The following UBE2G2 variants were observed in gnomAD, a reference collection of about 807,000 sequenced individuals.
UBE2G2 encodes the protein ubiquitin-conjugating enzyme E2 G2.
Under a neutral mutation model 23.0 loss-of-function variants are expected in UBE2G2, and 10 were observed. The ratio of observed to expected loss-of-function variants is 0.43; its 90% CI spans 0.27 to 0.74. UBE2G2 has a LOEUF of 0.74. Ranked by LOEUF, UBE2G2 falls within the 30% of genes least tolerant of loss-of-function variation. The pLI, the probability that UBE2G2 is intolerant of heterozygous loss-of-function variation, is 0.19. For synonymous variants in UBE2G2, 86 were observed against 81.3 expected (o/e 1.06, Z -0.31); for missense variants, 150 against 218.3 (o/e 0.69, Z 1.97).
At chr21:44,797,657 G>A (rs1446388043) in intron 1 of UBE2G2, among the ~76,000 whole-genome samples, 1 of 128,686 alleles carries the variant, frequency 7.8e-6, no homozygotes. Flanking sequence ...GGAGCCTGCA[G>A]TGAGTCAAGA....
intron 1 of UBE2G2, chr21:44,801,230 G>A: frequency 1.3e-6 from 1 of 767,652 alleles, no homozygotes; most frequent in Non-Finnish European, 1.6e-6. Flanking sequence ...GGAGTGACAG[G>A]TGGCACTGTT....
intron 3 of UBE2G2, among the ~76,000 whole-genome samples, chr21:44,785,340 T>C (rs1295785399): frequency 6.6e-6 from 1 of 152,216 alleles, no homozygotes; most frequent in Non-Finnish European, 1.5e-5. Flanking sequence ...GCCTGCGGAC[T>C]CTCATTATTT....
chr21:44,791,293 C>T (rs2083041989), intron 1 of UBE2G2, among the ~76,000 whole-genome samples: 1 of 152,128 alleles, frequency 6.6e-6, no homozygotes, highest in Non-Finnish European at 1.5e-5. Context: ...GTAAATGTCT[C>T]CAGAGCATGT....
chr21:44,778,547 G>A (rs1386899111), intron 3 of UBE2G2, among the ~76,000 whole-genome samples: 6 of 151,186 alleles, frequency 4.0e-5, no homozygotes, highest in African/African-American at 1.5e-4. Flanking sequence ...GGCCACAGGA[G>A]AGGAAGAGTG....
At position 44,777,377 on chromosome 21, in the gene UBE2G2, C is replaced by T; in HGVS notation, c.166G>A (p.Ala56Thr). The T allele has an allele frequency of 6.2e-7, 1 of 1,614,038 alleles. No individual in the cohort carries two copies. The highest frequency in any genetic ancestry group is 8.5e-7 in the Non-Finnish European group (1 of 1,180,000). Residue 56 changes from alanine (A) to threonine (T), a missense_variant, in exon 4 of 6, where the codon GCC becomes ACC. By Grantham distance (58) the Ala-to-Thr change is moderately conservative (BLOSUM62 0). Transcript: ENST00000345496. Reference sequence around the variant, plus strand: ...TAATCAAGTGGGAAACTCAGGATGGCAGGAAAAACACCAAACTCAAAGCAG... The same window carrying T: ...TAATCAAGTGGGAAACTCAGGATGGTAGGAAAAACACCAAACTCAAAGCAG... ...DTCFEFGVFP[A>T]ILSFPLDYPL...
At chr21:44,794,746 G>A (rs566729267) in intron 1 of UBE2G2, among the ~76,000 whole-genome samples, 3 of 152,138 alleles carry the variant, frequency 2.0e-5, no homozygotes, top group East Asian at 3.9e-4. Context: ...GTGTTAGCCC[G>A]GATGGTCTCC....
intron 1 of UBE2G2, among the ~76,000 whole-genome samples, chr21:44,788,364 A>G (rs2083016495): frequency 6.9e-6 from 1 of 144,982 alleles, no homozygotes; most frequent in African/African-American, 2.6e-5. Context: ...ATCTCAGCTC[A>G]CTGCAAGCTC....
At chr21:44,779,168 G>A (rs782580531) in intron 3 of UBE2G2, 15 of 421,346 alleles carry the variant, frequency 3.6e-5, no homozygotes, top group East Asian at 2.4e-4. Context: ...CAGGGCTGTC[G>A]GCAGCAACAG....
Position 44,788,133 on chromosome 21 carries a change from T to A in UBE2G2, c.44-38A>T, listed in dbSNP as rs201527198. 8 of 1,550,532 alleles carry A rather than the reference T, an allele frequency of 5.2e-6. No individual in the cohort carries two copies. In the East Asian group the frequency reaches 1.8e-4, roughly 35 times the overall value. On this transcript the variant is annotated intron_variant, in intron 1 of 5. Coordinates refer to ENST00000345496, the MANE Select transcript of UBE2G2 (RefSeq NM_003343.6). Reference sequence around the variant, plus strand: ...TAAGTAAAACCATTACCAAACAGAATAAATGTTACATTGTCATTTTAACAA... The same window carrying A: ...TAAGTAAAACCATTACCAAACAGAAAAAATGTTACATTGTCATTTTAACAA...
At position 44,771,813 on chromosome 21, in the gene UBE2G2, C is replaced by T. The variant is rs1481695136; in HGVS notation, c.386-324G>A. On this transcript the variant is annotated intron_variant, in intron 5 of 5. Coordinates refer to ENST00000345496, the MANE Select transcript of UBE2G2 (RefSeq NM_003343.6). The surrounding 1 kb of genome is among the most constrained non-coding windows in gnomAD (Gnocchi z 4.6). ...CACAGCAGCCTCCTGGGCCACTGCA[C>T]TTCTGGCACCCGGACAAGCTACACG... is the stretch of plus-strand genomic sequence containing the variant. Among the ~76,000 whole-genome samples, 1 of 152,194 alleles carries T rather than the reference C, an allele frequency of 6.6e-6. No homozygotes were observed. Among genetic ancestry groups the T allele is most frequent in the Non-Finnish European group, 1.5e-5 (1 of 68,030 alleles).
At chr21:44,795,519 C>G (rs200995921) in intron 1 of UBE2G2, among the ~76,000 whole-genome samples, 16 of 151,868 alleles carry the variant, frequency 1.1e-4, no homozygotes, top group African/African-American at 3.9e-4. Flanking sequence ...GTAATCCCAG[C>G]TTCTTGGGAG....
chr21:44,797,741 A>G (rs8132961), intron 1 of UBE2G2, among the ~76,000 whole-genome samples: 3 of 108,016 alleles, frequency 2.8e-5, no homozygotes, highest in Non-Finnish European at 3.6e-5. Flanking sequence ...AAAAAAAAAA[A>G]GAGAAAATAC....
intron 1 of UBE2G2, among the ~76,000 whole-genome samples, chr21:44,798,444 C>T (rs2083110974): frequency 1.3e-5 from 2 of 152,234 alleles, no homozygotes. Context: ...GCACTTTACC[C>T]ACAGTGGAAC....
At chr21:44,795,413 C>T (rs2083079381) in intron 1 of UBE2G2, among the ~76,000 whole-genome samples, 1 of 152,074 alleles carries the variant, frequency 6.6e-6, no homozygotes, top group African/African-American at 2.4e-5. Flanking sequence ...GGGCAGATTG[C>T]TTGGGCCCAC....
At chr21:44,786,992 T>C (rs1469469547) in intron 3 of UBE2G2, among the ~76,000 whole-genome samples, 2 of 151,512 alleles carry the variant, frequency 1.3e-5, no homozygotes, top group African/African-American at 4.9e-5. Context: ...CTAGGGAGGC[T>C]GAGGCAGGAG....
chr21:44,774,702 A>C (rs782248039), intron 4 of UBE2G2: 33 of 456,336 alleles, frequency 7.2e-5, no homozygotes, highest in Non-Finnish European at 1.3e-4. Flanking sequence ...AGAGTGGAAG[A>C]AACTAGATGC....
chr21:44,788,210 C>G (rs1350158868), intron 1 of UBE2G2, 115 bp from the exon 2 acceptor site: 4 of 985,620 alleles, frequency 4.1e-6, no homozygotes, highest in Non-Finnish European at 5.8e-6. Context: ...TGCATATTAA[C>G]AAGTGAAAAT....
At chr21:44,801,669 G>T (rs1339136846) in intron 1 of UBE2G2, 37 bp downstream of exon 1, 70 of 1,503,932 alleles carry the variant, frequency 4.7e-5, no homozygotes, top group Non-Finnish European at 5.4e-5. Flanking sequence ...GAGCAGGAAC[G>T]CGGGACGCTG....
In UBE2G2 at chr21:44,769,436, A is replaced by G. The variant is rs976059215; in HGVS notation, c.*1941T>C. Reference sequence around the variant, plus strand: ...CACTCTGTTGCCCAGGCTGGAGTGCAGTGGCGTGATCTCAGCTCACTGCAA... The same window carrying G: ...CACTCTGTTGCCCAGGCTGGAGTGCGGTGGCGTGATCTCAGCTCACTGCAA... On this transcript the variant is annotated 3_prime_UTR_variant, in exon 6 of 6. Coordinates refer to ENST00000345496, the MANE Select transcript of UBE2G2 (RefSeq NM_003343.6). 5.1e-5 allele frequency: 7 copies of G among 137,826 alleles called. No homozygotes were observed. The highest frequency in any genetic ancestry group is 2.0e-4 in the African/African-American group (7 of 34,950). The allele number at this position is 137,826 out of a possible 1,614,324, so 8.5% of individuals were successfully genotyped here.
Sources: allele counts gnomAD v4.1 joint callset (sites outside exome capture counted in the v4.1 genomes callset), GRCh38; gene constraint gnomAD v4.1.1; non-coding constraint Gnocchi (gnomAD v3.1); transcripts MANE v1.5; gene names NCBI Gene and HGNC (gene_info 2026-07-23, HGNC 2026-07-21).